SPATA6: variants seen among roughly 807,000 people sequenced by gnomAD.
The protein encoded by SPATA6 is spermatogenesis-associated protein 6.
Under a neutral mutation model 65.3 loss-of-function variants are expected in SPATA6, and 56 were observed. The ratio of observed to expected loss-of-function variants is 0.86; its 90% CI spans 0.69 to 1.07. SPATA6 has a LOEUF of 1.07. Among genes scored for constraint, SPATA6 ranks in the 50% least tolerant of loss-of-function variants. The pLI is 0.00. For missense variants in SPATA6, 590 were observed against 594.8 expected, an observed-to-expected ratio of 0.99 and a Z score of 0.08; for synonymous variants, 199 against 213.2, an observed-to-expected ratio of 0.93 and a Z score of 0.58.
At chr1:48,459,021 T>C (rs1378600252) in intron 1 of SPATA6, among the ~76,000 whole-genome samples, 4 of 151,760 alleles carry the variant, frequency 2.6e-5, no homozygotes, top group Non-Finnish European at 2.9e-5. Context: ...CTGGCCAACA[T>C]AGTGAAAACC....
chr1:48,450,299 T>A, intron 3 of SPATA6, among the ~76,000 whole-genome samples: 3 of 138,334 alleles, frequency 2.2e-5, no homozygotes, highest in South Asian at 2.2e-4. Flanking sequence ...TTAAAAAGGG[T>A]ACCAAAAAAT....
rs1644805930 is a variant in SPATA6 at position 48,295,929 on chromosome 1, A to G, written c.*2784T>C. ...CCCTTTTATCACCTTGTTGGTGAGA[A>G]AACTGAGCTCCAAGAAGCATAAATG... On this transcript the variant is annotated 3_prime_UTR_variant, in exon 13 of 13. Transcript: ENST00000371847. 1 of 152,110 alleles carries G rather than the reference A, an allele frequency of 6.6e-6. No homozygotes were observed. The highest frequency in any genetic ancestry group is 2.4e-5 in the African/African-American group (1 of 41,440). 9.4% of individuals were successfully genotyped at this position (152,110 alleles called of 1,614,324 possible).
intron 3 of SPATA6, among the ~76,000 whole-genome samples, chr1:48,418,133 ATCT>A (rs1652954054): frequency 6.6e-6 from 1 of 152,158 alleles, no homozygotes; most frequent in Non-Finnish European, 1.5e-5. Flanking sequence ...ATTTAAACTA[ATCT>A]TAGTTATTAT....
chr1:48,389,712 A>G (rs919314097), intron 8 of SPATA6, among the ~76,000 whole-genome samples: 1 of 152,216 alleles, frequency 6.6e-6, no homozygotes, highest in African/African-American at 2.4e-5. Context: ...TAGGAAAAAT[A>G]AAGTATTTCC....
chr1:48,373,118 A>C (rs572732299), intron 9 of SPATA6, among the ~76,000 whole-genome samples: 11 of 152,316 alleles, frequency 7.2e-5, no homozygotes, highest in African/African-American at 2.2e-4. Flanking sequence ...CCCAAAAAAC[A>C]GGTTTCTCTT....
At chr1:48,447,549 G>A (rs186659212) in intron 3 of SPATA6, among the ~76,000 whole-genome samples, 21 of 152,168 alleles carry the variant, frequency 1.4e-4, no homozygotes, top group Non-Finnish European at 2.5e-4. Flanking sequence ...ATGAATTTTC[G>A]ATTACATGGG....
At chr1:48,364,824 T>C (rs1260937184) in intron 9 of SPATA6, among the ~76,000 whole-genome samples, 1 of 152,236 alleles carries the variant, frequency 6.6e-6, no homozygotes, top group Non-Finnish European at 1.5e-5. Context: ...TTGTCAATTG[T>C]GGCTTTTGTT....
intron 9 of SPATA6, among the ~76,000 whole-genome samples, chr1:48,382,487 C>T (rs1481833154): frequency 3.7e-4 from 39 of 106,304 alleles, no homozygotes; most frequent in African/African-American, 5.3e-4. Context: ...CCCTCCCGGA[C>T]GGGGCGGCTG....
intron 9 of SPATA6, among the ~76,000 whole-genome samples, chr1:48,376,360 T>TA (rs772002233): frequency 5.9e-5 from 9 of 152,180 alleles, no homozygotes; most frequent in Non-Finnish European, 8.8e-5. Flanking sequence ...CAGAAAAATT[T>TA]AGAGTTCTGT....
chr1:48,284,661 G>C, the SPATA6 span, among the ~76,000 whole-genome samples: 3 of 152,134 alleles, frequency 2.0e-5, no homozygotes, highest in South Asian at 2.1e-4. Context: ...TTTTCTGTTT[G>C]TTAGTTTTCT....
At chr1:48,435,700 C>T (rs576766999) in intron 3 of SPATA6, among the ~76,000 whole-genome samples, 10 of 152,300 alleles carry the variant, frequency 6.6e-5, no homozygotes, top group African/African-American at 2.4e-4. Flanking sequence ...AAAAACGCAC[C>T]GAGAGTTCCA....
rs1373199625 is a variant in SPATA6 at position 48,435,093 on chromosome 1, G to A, written c.238+16459C>T. On this transcript the variant is annotated intron_variant, in intron 3 of 12. Transcript: ENST00000371847. ...GAGATTCCTTAGAGGGGCATATAGG[G>A]TATGAAATAGAATTGGAAAGTTCTA... Among the ~76,000 whole-genome samples the A allele has an allele frequency of 6.6e-5, 10 of 151,956 alleles. No homozygotes were observed. In the East Asian group the frequency reaches 1.9e-3, roughly 29 times the overall value.
At chr1:48,445,723 A>T (rs1355413147) in intron 3 of SPATA6, among the ~76,000 whole-genome samples, 1 of 151,340 alleles carries the variant, frequency 6.6e-6, no homozygotes, top group Non-Finnish European at 1.5e-5. Flanking sequence ...AAGGTAGAAC[A>T]TGTGTACATA....
chr1:48,289,744 G>T, the SPATA6 span, among the ~76,000 whole-genome samples: 1 of 152,204 alleles, frequency 6.6e-6, no homozygotes, highest in Non-Finnish European at 1.5e-5. Context: ...GGAAGAAAGG[G>T]TGTTAGTGAT....
At chr1:48,310,620 G>A (rs1034600439) in intron 11 of SPATA6, among the ~76,000 whole-genome samples, 4 of 152,118 alleles carry the variant, frequency 2.6e-5, no homozygotes, top group Non-Finnish European at 4.4e-5. Context: ...AGAACCAACA[G>A]GATGTGTGTA....
At chr1:48,448,534 A>C (rs1371063835) in intron 3 of SPATA6, among the ~76,000 whole-genome samples, 2 of 152,060 alleles carry the variant, frequency 1.3e-5, no homozygotes, top group Non-Finnish European at 2.9e-5. Flanking sequence ...ATCAGCTGCA[A>C]TATATCTTTT....
the SPATA6 span, among the ~76,000 whole-genome samples, chr1:48,274,258 T>G: frequency 6.6e-6 from 1 of 152,218 alleles, no homozygotes; most frequent in Non-Finnish European, 1.5e-5. Flanking sequence ...GTCAGATGGA[T>G]AGATTGCAAA....
the SPATA6 span, among the ~76,000 whole-genome samples, chr1:48,279,336 A>T: frequency 6.6e-6 from 1 of 152,244 alleles, no homozygotes; most frequent in African/African-American, 2.4e-5. Flanking sequence ...TAACGATATT[A>T]ACTTTAAATG....
chr1:48,270,725 G>GAA, the SPATA6 span, among the ~76,000 whole-genome samples: 2 of 136,184 alleles, frequency 1.5e-5, no homozygotes, highest in African/African-American at 2.7e-5. Flanking sequence ...AGAAGAAGAG[G>GAA]AAAAAAAAAA....
Sources: gnomAD v4.1 joint callset for allele counts (sites outside exome capture counted in the v4.1 genomes callset) on GRCh38, gnomAD v4.1.1 for gene constraint, MANE v1.5 for transcripts, NCBI Gene and HGNC (gene_info 2026-07-23, HGNC 2026-07-21) for gene names.